The following FN1 variants were observed in gnomAD, a reference collection of about 807,000 sequenced individuals.
The protein encoded by FN1 is fibronectin 1, also known as fibronectin.
FN1 carries 106 observed loss-of-function variants against 297.3 expected under a neutral mutation model. The ratio of observed to expected loss-of-function variants is 0.36; its 90% CI spans 0.30 to 0.42. The LOEUF (loss-of-function observed/expected upper bound fraction) is 0.42, where lower values mean the gene tolerates loss of function less well. Ranked by LOEUF, FN1 falls within the 10% of genes least tolerant of loss-of-function variation. The pLI, the probability that FN1 is intolerant of heterozygous loss-of-function variation, is 1.00. For synonymous variants in FN1, 1,149 were observed against 1,152.6 expected, an observed-to-expected ratio of 1.00 and a Z score of 0.06; for missense variants, 2,690 against 3,124.9, an observed-to-expected ratio of 0.86 and a Z score of 3.32.
At chr2:215,375,882 A>G (rs2057195637) in intron 36 of FN1, among the ~76,000 whole-genome samples, 164 bp from the exon 37 acceptor site, 1 of 152,242 alleles carries the variant, frequency 6.6e-6, no homozygotes, top group Non-Finnish European at 1.5e-5. Flanking sequence ...ATGGATGTTA[A>G]CTGTTAACAA....
chr2:215,400,132 G>A (rs1207867352), intron 20 of FN1, among the ~76,000 whole-genome samples: 1 of 151,746 alleles, frequency 6.6e-6, no homozygotes, highest in African/African-American at 2.4e-5. Context: ...AAGTTGCAGT[G>A]AGCCGAGATC....
chr2:215,383,762 T>C (rs2058526584), intron 30 of FN1, among the ~76,000 whole-genome samples: 1 of 152,192 alleles, frequency 6.6e-6, no homozygotes, highest in Middle Eastern at 3.2e-3. Flanking sequence ...TTCCCACAAA[T>C]ACTTACTGAA....
Position 215,376,491 on chromosome 2 carries a change from C to T in FN1, c.5887+7G>A, listed in dbSNP as rs766844688. On this transcript the variant is annotated splice_region_variant and intron_variant, in intron 36 of 45. Transcript: ENST00000354785. ...ACAAATGTGGTTAGTGCAATGAGTT[C>T]CCTGACCTGTGATGGTGTAGCTTCT... is the stretch of plus-strand genomic sequence containing the variant. 7.4e-6 allele frequency: 12 copies of T among 1,613,812 alleles called. No homozygotes were observed. The South Asian group carries it at 1.2e-4, about 16-fold the overall frequency.
At chr2:215,382,122 T>C (rs990794012) in intron 32 of FN1, 90 bp downstream of exon 32, 5 of 780,914 alleles carry the variant, frequency 6.4e-6, no homozygotes, top group South Asian at 2.8e-5. Flanking sequence ...ACTTTCCCTA[T>C]GTGTAATTGC....
At chr2:215,387,104 A>G in intron 27 of FN1, 146 bp from the exon 28 acceptor site, 1 of 694,574 alleles carries the variant, frequency 1.4e-6, no homozygotes, top group South Asian at 1.9e-5. Context: ...TAAACCAAAG[A>G]GTAAGATGTA....
intron 32 of FN1, chr2:215,381,386 G>A (rs573185771): frequency 8.3e-5 from 35 of 421,784 alleles, no homozygotes; most frequent in South Asian, 7.9e-4. Flanking sequence ...TTTTTACAAT[G>A]TGATGTTAGT....
rs753957544 is a variant in FN1, at chr2:215,380,952, G to T, written c.5293C>A (p.His1765Asn). 14 of 1,614,096 alleles carry T rather than the reference G, an allele frequency of 8.7e-6. No individual in the cohort carries two copies. Among genetic ancestry groups the T allele is most frequent in the Admixed American group, 5.0e-5 (3 of 60,000 alleles). The change falls in exon 33 of 46, where the codon CAT becomes AAT. Residue 1765 changes from histidine to asparagine, a missense_variant. By Grantham distance (68) the His-to-Asn change is moderately conservative. Around this residue, in one of 3 missense-constraint regions of FN1, gnomAD observed 1,743 missense variants for 1,945.2 expected, o/e 0.90. Transcript: ENST00000354785. ...VTYSSPEDGI[H>N]ELFPAPDGEE... Reference sequence around the variant, plus strand: ...CCATCAGGTGCAGGGAATAGCTCATGGATTCCATCCTCAGGGCTCGAGTAG... The same window carrying T: ...CCATCAGGTGCAGGGAATAGCTCATTGATTCCATCCTCAGGGCTCGAGTAG...
rs138593265 is a variant in FN1 at position 215,376,624 on chromosome 2, T to A, written c.5761A>T (p.Ile1921Phe). The change falls in exon 36 of 46, where the codon ATC becomes TTC. Residue 1921 changes from isoleucine (I) to phenylalanine (F), a missense_variant. Physicochemically the swap from Ile to Phe is conservative, Grantham distance 21. Coordinates refer to ENST00000354785, the MANE Select transcript of FN1 (RefSeq NM_212482.4). The part of the protein sequence containing the change: ...ARVTDATETT[I>F]TISWRTKTET... ...GTCTTGGTTCTCCAGCTAATGGTGA[T>A]GGTGGTCTCAGTAGCATCTGTCACA... The A allele has an allele frequency of 9.2e-5, 148 of 1,613,978 alleles. No homozygotes were observed. In the African/African-American group the frequency reaches 1.5e-3, roughly 17 times the overall value.
In FN1 at chr2:215,371,945, T is replaced by C; in HGVS notation, c.6678A>G (p.Ser2226=). The change falls in exon 40 of 46, where the codon TCA becomes TCG. Residue 2226 remains serine (S), a synonymous_variant. Coordinates refer to ENST00000354785, the MANE Select transcript of FN1 (RefSeq NM_212482.4). Reference sequence around the variant, plus strand: ...CTTCATCAGTGCCAACAGGATGACATGAAATGATGTACTCAGAAGTGTCCT... The same window carrying C: ...CTTCATCAGTGCCAACAGGATGACACGAAATGATGTACTCAGAAGTGTCCT... ...PFQDTSEYII[S]CHPVGTDEEP... 1 of 1,614,156 alleles carries C rather than the reference T, an allele frequency of 6.2e-7. No individual in the cohort carries two copies. Among genetic ancestry groups the C allele is most frequent in the African/African-American group, 1.3e-5 (1 of 75,058 alleles).
In FN1 at chr2:215,371,673, CT is replaced by C. The variant is rs11358448; in HGVS notation, c.6714+235del. Among the ~76,000 whole-genome samples, 53,089 of 108,286 alleles carry C rather than the reference CT, an allele frequency of 0.49. 12,222 individuals are homozygous for C. The highest frequency in any genetic ancestry group is 0.67 in the East Asian group (2,256 of 3,370). The allele number at this position is 108,286 out of a possible 152,430, so 71.0% of individuals were successfully genotyped here. A position where few individuals can be genotyped will look rare whatever the true frequency, so the allele number is the denominator to read the frequency against. ...CTAAGAGGTTCTAAAAGTGGAGCCA[CT>C]TTTTTTTTTTTTTTTTTTTCAAGAG... is the stretch of plus-strand genomic sequence containing the variant. On this transcript the variant is annotated intron_variant, in intron 40 of 45. Transcript: ENST00000354785.
intron 7 of FN1, among the ~76,000 whole-genome samples, 162 bp downstream of exon 7, chr2:215,424,932 G>GATTGGAAGA (rs1486168875): frequency 6.6e-6 from 1 of 152,172 alleles, no homozygotes; most frequent in Admixed American, 6.5e-5. Flanking sequence ...AAATTAAAAA[G>GATTGGAAGA]ATTGGAAGAA....
intron 27 of FN1, among the ~76,000 whole-genome samples, chr2:215,387,733 G>T (rs1358320212): frequency 6.6e-6 from 1 of 152,198 alleles, no homozygotes; most frequent in Non-Finnish European, 1.5e-5. Context: ...ACACTAAAGT[G>T]TACCTTTTGA....
At chr2:215,433,216 C>T (rs2066838089) in intron 3 of FN1, 108 bp downstream of exon 3, 1 of 1,440,618 alleles carries the variant, frequency 6.9e-7, no homozygotes, top group Non-Finnish European at 9.7e-7. Flanking sequence ...CAGGGGCAAA[C>T]CTCAAAGTTC....
At chr2:215,397,610 T>C in intron 22 of FN1, 70 bp downstream of exon 22, 3 of 1,313,010 alleles carry the variant, frequency 2.3e-6, no homozygotes, top group Non-Finnish European at 2.2e-6. Flanking sequence ...AAAGTGATAT[T>C]GACACTAGCT....
intron 35 of FN1, among the ~76,000 whole-genome samples, chr2:215,376,996 AAT>A (rs2057381503): frequency 6.6e-6 from 1 of 152,014 alleles, no homozygotes; most frequent in Non-Finnish European, 1.5e-5. Context: ...ATAATGTAAA[AAT>A]ATGTGTGGTA....
chr2:215,393,978 C>T (rs1202550838), intron 24 of FN1, among the ~76,000 whole-genome samples: 3 of 152,192 alleles, frequency 2.0e-5, no homozygotes, highest in Non-Finnish European at 4.4e-5. Context: ...CAAGAAAGAA[C>T]ACCCTGAAGG....
In FN1 at chr2:215,407,308, G is replaced by T; in HGVS notation, c.2532C>A (p.Val844=). 6.2e-7 allele frequency: 1 copy of T among 1,614,070 alleles called. No individual in the cohort carries two copies. The change falls in exon 18 of 46, where the codon GTC becomes GTA. Residue 844 remains valine, a synonymous_variant. Transcript: ENST00000354785. The stretch of plus-strand genomic sequence containing the variant: ...TGCTACCTTCTACTGATGGCGAATA[G>T]ACTATTCTGTACCCTGCAGATTCAT... ...PQAPITGYRI[V]YSPSVEGSST...
chr2:215,383,820 AACTG>A (rs2058539645), intron 30 of FN1, among the ~76,000 whole-genome samples, 196 bp downstream of exon 30: 1 of 152,168 alleles, frequency 6.6e-6, no homozygotes, highest in African/African-American at 2.4e-5. Flanking sequence ...ATATCGACAA[AACTG>A]ACTGAACTTC....
Position 215,361,591 on chromosome 2 carries a change from T to C in FN1, c.7398A>G (p.Leu2466=), listed in dbSNP as rs747275525. 1 of 1,612,460 alleles carries C rather than the reference T, an allele frequency of 6.2e-7. No homozygotes were observed. Among genetic ancestry groups the C allele is most frequent in the Admixed American group, 1.7e-5 (1 of 59,990 alleles). ...AATCTTCTCTGTCAGCCTGTACATC[T>C]AAAGGCATGAAGCACTCAATTGGGC... ...VNCPIECFMP[L]DVQADREDSR... is the part of the protein sequence containing the mutation. Residue 2466 remains leucine, a synonymous_variant, in exon 46 of 46, where the codon TTA becomes TTG. Coordinates refer to ENST00000354785, the MANE Select transcript of FN1 (RefSeq NM_212482.4).
Sources: gnomAD v4.1 joint callset for allele counts (sites outside exome capture counted in the v4.1 genomes callset) on GRCh38, gnomAD v4.1.1 for gene constraint, gnomAD v4.1.1 regional missense constraint, MANE v1.5 for transcripts, NCBI Gene and HGNC (gene_info 2026-07-23, HGNC 2026-07-21) for gene names.